PRKDC: variants seen among roughly 807,000 people sequenced by gnomAD.
PRKDC encodes the protein protein kinase, DNA-activated, catalytic subunit.
Under a neutral mutation model 486.9 loss-of-function variants are expected in PRKDC, and 82 were observed. The ratio of observed to expected loss-of-function variants is 0.17; its 90% CI spans 0.14 to 0.20. PRKDC has a LOEUF of 0.20. PRKDC is among the 10% of genes least tolerant of loss of function. PRKDC has a pLI of 1.00. For synonymous variants in PRKDC, 1,895 were observed against 1,837.0 expected (o/e 1.03, Z -0.81); for missense variants, 4,504 against 5,038.2 (o/e 0.89, Z 3.21).
rs1281890220 is a variant in PRKDC, at chr8:47,828,227, A to C, written c.8518T>G (p.Phe2840Val). The change falls in exon 62 of 86, where the codon TTC (phenylalanine) becomes GTC (valine). Residue 2840 changes from phenylalanine to valine, a missense_variant. By Grantham distance (50) the Phe-to-Val change is conservative. This residue lies in a region of PRKDC where 1,592 missense variants were observed against 1,724.6 expected (regional missense o/e 0.92). Transcript: ENST00000314191. ...AAGGTGGTATTAAGAAAACGATTGA[A>C]GTCTTGAAGCAACTTTTGAGTGATG... ...NNITQKLLQDFNRFLNTTFSF... is the reference protein window; with the variant it reads ...NNITQKLLQDVNRFLNTTFSF... 6.2e-7 allele frequency: 1 copy of C among 1,613,884 alleles called. No homozygotes were observed. The highest frequency in any genetic ancestry group is 8.5e-7 in the Non-Finnish European group (1 of 1,179,812).
intron 30 of PRKDC, among the ~76,000 whole-genome samples, chr8:47,894,152 G>T (rs12156246): frequency 0.12 from 18,351 of 151,968 alleles, 1,716 homozygotes; most frequent in African/African-American, 0.23. Flanking sequence ...GTGGTGGTGC[G>T]CGCCTGTGGT....
At chr8:47,868,502 T>C (rs2088868436) in intron 40 of PRKDC, among the ~76,000 whole-genome samples, 1 of 151,996 alleles carries the variant, frequency 6.6e-6, no homozygotes, top group Non-Finnish European at 1.5e-5. Context: ...AAGTCAAGGC[T>C]GCAGTGAGCC....
intron 54 of PRKDC, 78 bp downstream of exon 54, chr8:47,849,076 T>C: frequency 2.6e-6 from 4 of 1,522,048 alleles, no homozygotes; most frequent in Non-Finnish European, 3.6e-6. Context: ...CACAGGTTCT[T>C]CTTGAGTTGG....
chr8:47,843,756 A>G (rs1418534913), intron 54 of PRKDC, among the ~76,000 whole-genome samples: 1 of 152,258 alleles, frequency 6.6e-6, no homozygotes, highest in Non-Finnish European at 1.5e-5. Context: ...ATCCTTGAAG[A>G]AAACAAATTC....
In PRKDC at chr8:47,959,956, C is replaced by G. The variant is rs745521293; in HGVS notation, c.154+17G>C. On this transcript the variant is annotated intron_variant, in intron 1 of 85. Transcript: ENST00000314191. ...AAGCCAGGACCCACCCGCGGCCCAGCTCGGGCCGGTACCCACCCAGCACCG... is the reference window on the plus strand; with the variant it reads ...AAGCCAGGACCCACCCGCGGCCCAGGTCGGGCCGGTACCCACCCAGCACCG... 7 of 1,533,898 alleles carry G rather than the reference C, an allele frequency of 4.6e-6. No homozygotes were observed. The highest frequency in any genetic ancestry group is 6.1e-6 in the Non-Finnish European group (7 of 1,146,058).
intron 54 of PRKDC, among the ~76,000 whole-genome samples, chr8:47,845,917 T>A (rs1015132728): frequency 1.3e-5 from 2 of 152,088 alleles, no homozygotes; most frequent in Non-Finnish European, 2.9e-5. Context: ...TGAACACAGA[T>A]GAAAAAATCC....
intron 74 of PRKDC, 124 bp downstream of exon 74, chr8:47,794,166 G>GATT: frequency 1.2e-6 from 1 of 800,540 alleles, no homozygotes; most frequent in South Asian, 1.8e-5. Context: ...CGACGGCTAA[G>GATT]ATTATTCTTC....
intron 40 of PRKDC, among the ~76,000 whole-genome samples, chr8:47,872,034 A>G (rs368362236): frequency 6.6e-6 from 1 of 152,384 alleles, no homozygotes; most frequent in South Asian, 2.1e-4. Flanking sequence ...TATTTTGAGT[A>G]GAAAGACTAA....
intron 49 of PRKDC, 72 bp from the exon 50 acceptor site, chr8:47,855,445 A>G (rs1473392922): frequency 3.5e-6 from 5 of 1,420,554 alleles, no homozygotes; most frequent in Non-Finnish European, 4.7e-6. Context: ...ACTCAAGTTC[A>G]TTTATAAAAG....
At chr8:47,837,492 C>T in intron 56 of PRKDC, 73 bp from the exon 57 acceptor site, 1 of 1,234,558 alleles carries the variant, frequency 8.1e-7, no homozygotes, top group Non-Finnish European at 1.1e-6. Flanking sequence ...TACAGGGTGT[C>T]CTGTGGAGAA....
In PRKDC at chr8:47,876,751, A is replaced by T. The variant is rs147757499; in HGVS notation, c.5363+973T>A. Among the ~76,000 whole-genome samples the T allele has an allele frequency of 2.0e-5, 3 of 152,286 alleles. No homozygotes were observed. The East Asian group carries it at 5.8e-4, about 29-fold the overall frequency. On this transcript the variant is annotated intron_variant, in intron 40 of 85. Coordinates refer to ENST00000314191, the MANE Select transcript of PRKDC (RefSeq NM_006904.7). ...TAAATTGCATTTTTGGTAACCAAAC[A>T]ATCCGAGTGATGAGACCTTCATTAC...
rs1302985092 is a variant in PRKDC, at chr8:47,915,403, A to G, written c.2542T>C (p.Leu848=). 1.6e-5 allele frequency: 25 copies of G among 1,549,642 alleles called. No individual in the cohort carries two copies. The highest frequency in any genetic ancestry group is 2.1e-5 in the Non-Finnish European group (24 of 1,138,756). ...ACTACTCTAATTCTTATTTCTTCTAAGGATATTGCTTCGTTCTGTAAATTT... is the reference window on the plus strand; with the variant it reads ...ACTACTCTAATTCTTATTTCTTCTAGGGATATTGCTTCGTTCTGTAAATTT... ...KNLSSNEAIS[L]EEIRIRVVQM... The change falls in exon 23 of 86, where the codon TTA becomes CTA. Residue 848 remains leucine, a synonymous_variant. Coordinates refer to ENST00000314191, the MANE Select transcript of PRKDC (RefSeq NM_006904.7).
intron 54 of PRKDC, among the ~76,000 whole-genome samples, chr8:47,848,884 G>A (rs1345792640): frequency 6.6e-6 from 1 of 152,174 alleles, no homozygotes; most frequent in African/African-American, 2.4e-5. Context: ...AGAGAGCCAA[G>A]GTAACCCCAT....
chr8:47,811,901 T>C (rs1409967266), intron 68 of PRKDC, among the ~76,000 whole-genome samples: 4 of 152,158 alleles, frequency 2.6e-5, no homozygotes, highest in Non-Finnish European at 5.9e-5. Context: ...GGCTTGAACC[T>C]GGGTGATGCA....
intron 46 of PRKDC, 54 bp from the exon 47 acceptor site, chr8:47,859,040 A>G: frequency 6.3e-7 from 1 of 1,589,896 alleles, no homozygotes; most frequent in South Asian, 1.1e-5. Flanking sequence ...TTCAGTGGAC[A>G]AGGCAGTGGA....
chr8:47,849,426 A>C lies in PRKDC; in HGVS notation c.7083T>G (p.Ile2361Met). 6.2e-7 allele frequency: 1 copy of C among 1,614,012 alleles called. No homozygotes were observed. The highest frequency in any genetic ancestry group is 8.5e-7 in the Non-Finnish European group (1 of 1,179,896). Residue 2361 changes from isoleucine to methionine, a missense_variant, in exon 53 of 86, where the codon ATT (isoleucine) becomes ATG (methionine). Physicochemically the swap from Ile to Met is conservative, Grantham distance 10. This residue lies in a region of PRKDC where 1,592 missense variants were observed against 1,724.6 expected (regional missense o/e 0.92). Transcript: ENST00000314191. ...QHQNTMEDKFIVCLNKVTKSF... is the reference protein window; with the variant it reads ...QHQNTMEDKFMVCLNKVTKSF... ...TCTTGGTCACTTTGTTCAAGCACACAATAAACTTGTCCTCCATAGTATTCT... is the reference window on the plus strand; with the variant it reads ...TCTTGGTCACTTTGTTCAAGCACACCATAAACTTGTCCTCCATAGTATTCT...
chr8:47,928,911 C>G (rs192812592), intron 19 of PRKDC, among the ~76,000 whole-genome samples, 181 bp downstream of exon 19: 1 of 151,880 alleles, frequency 6.6e-6, no homozygotes, highest in Non-Finnish European at 1.5e-5. Context: ...AGGCTGGTCT[C>G]GAACTACTGA....
chr8:47,831,958 C>A (rs369763554), intron 59 of PRKDC, 32 bp from the exon 60 acceptor site: 1 of 1,579,336 alleles, frequency 6.3e-7, no homozygotes, highest in South Asian at 1.1e-5. Flanking sequence ...AGTTACTCCC[C>A]GCCGCCCAGA....
At position 47,840,145 on chromosome 8, in the gene PRKDC, A is replaced by G; in HGVS notation, c.7325T>C (p.Met2442Thr). Residue 2442 changes from methionine to threonine, a missense_variant, in exon 55 of 86, where the codon ATG (methionine) becomes ACG (threonine). By Grantham distance (81) the Met-to-Thr change is moderately conservative. Around this residue, in one of 6 missense-constraint regions of PRKDC, gnomAD observed 1,592 missense variants for 1,724.6 expected, o/e 0.92. Coordinates refer to ENST00000314191, the MANE Select transcript of PRKDC (RefSeq NM_006904.7). ...QKVCLDIIYK[M>T]MPKLKPVELR... ...TTCTACTGGTTTTAACTTTGGCATC[A>G]TCTTATAAATTATGTCCAAACATAC... is the stretch of plus-strand genomic sequence containing the variant. 1 of 1,600,864 alleles carries G rather than the reference A, an allele frequency of 6.2e-7. No homozygotes were observed. The highest frequency in any genetic ancestry group is 8.5e-7 in the Non-Finnish European group (1 of 1,172,480).
Sources: allele counts gnomAD v4.1 joint callset (sites outside exome capture counted in the v4.1 genomes callset), GRCh38; gene constraint gnomAD v4.1.1; regional missense constraint gnomAD v4.1.1; transcripts MANE v1.5; gene names NCBI Gene and HGNC (gene_info 2026-07-23, HGNC 2026-07-21).